TTC39C: variants seen among roughly 807,000 people sequenced by gnomAD.
The protein encoded by TTC39C is tetratricopeptide repeat domain 39C, also known as tetratricopeptide repeat protein 39C.
A neutral mutation model predicts 76.3 loss-of-function variants in TTC39C; 33 were observed. That is an observed-to-expected ratio of 0.43 (90% CI 0.33 to 0.58). The LOEUF is 0.58. TTC39C is among the 20% of genes least tolerant of loss of function. The pLI, the probability that TTC39C is intolerant of heterozygous loss-of-function variation, is 0.04. For synonymous variants in TTC39C, 254 were observed against 260.6 expected (o/e 0.97, Z 0.24); for missense variants, 595 against 701.4 (o/e 0.85, Z 1.71).
At chr18:24,005,308 C>G (rs2083343282) in intron 1 of TTC39C, among the ~76,000 whole-genome samples, 1 of 152,092 alleles carries the variant, frequency 6.6e-6, no homozygotes, top group South Asian at 2.1e-4. Context: ...AAGTCTTAAC[C>G]CAGCACCCAG....
intron 1 of TTC39C, among the ~76,000 whole-genome samples, chr18:24,018,510 C>G (rs1209096561): frequency 6.6e-6 from 1 of 152,074 alleles, no homozygotes; most frequent in Non-Finnish European, 1.5e-5. Context: ...CTAGATATTT[C>G]GGTGCTGCAA....
chr18:24,107,945 G>A (rs914401732), intron 6 of TTC39C, among the ~76,000 whole-genome samples: 1 of 151,934 alleles, frequency 6.6e-6, no homozygotes, highest in African/African-American at 2.4e-5. Flanking sequence ...TGTTTTTGTA[G>A]AGATGGGGTT....
At chr18:24,003,440 T>C (rs1336388420) in intron 1 of TTC39C, among the ~76,000 whole-genome samples, 1 of 152,246 alleles carries the variant, frequency 6.6e-6, no homozygotes, top group Admixed American at 6.5e-5. Context: ...TATTCAATTA[T>C]GTCTTCCACA....
chr18:24,111,916 TATATATA>T (rs1568441628), intron 6 of TTC39C, among the ~76,000 whole-genome samples: 1 of 108,228 alleles, frequency 9.2e-6, no homozygotes. Flanking sequence ...AATATATATA[TATATATA>T]TTTTTTTTGG....
At chr18:24,049,459 C>T (rs1244804384) in intron 1 of TTC39C, among the ~76,000 whole-genome samples, 1 of 152,172 alleles carries the variant, frequency 6.6e-6, no homozygotes, top group Non-Finnish European at 1.5e-5. Flanking sequence ...AGGCTGTTCC[C>T]TCACTCACTC....
chr18:24,092,436 A>G (rs1407246296), intron 6 of TTC39C, among the ~76,000 whole-genome samples: 1 of 152,020 alleles, frequency 6.6e-6, no homozygotes, highest in African/African-American at 2.4e-5. Context: ...TAAAAACACC[A>G]CTCCATATTA....
intron 1 of TTC39C, among the ~76,000 whole-genome samples, chr18:24,024,678 A>T (rs1385105408): frequency 6.6e-6 from 1 of 152,184 alleles, no homozygotes; most frequent in Admixed American, 6.5e-5. Context: ...CTCAGAAAAC[A>T]TATCTCCCAT....
chr18:24,102,337 G>A (rs759381609), intron 6 of TTC39C, among the ~76,000 whole-genome samples: 7 of 152,192 alleles, frequency 4.6e-5, no homozygotes, highest in East Asian at 1.9e-4. Context: ...ATTCATTCAC[G>A]TGGAGATGCT....
intron 4 of TTC39C, among the ~76,000 whole-genome samples, chr18:24,070,414 G>A (rs1325383635): frequency 6.6e-6 from 1 of 152,120 alleles, no homozygotes; most frequent in Non-Finnish European, 1.5e-5. Flanking sequence ...TCCCGCATTT[G>A]GAGCGCACTG....
chr18:24,064,027 T>G, intron 1 of TTC39C, 113 bp from the exon 2 acceptor site: 1 of 1,426,980 alleles, frequency 7.0e-7, no homozygotes, highest in South Asian at 1.4e-5. Context: ...CTTAACTTCT[T>G]TTATTCAATT....
Position 24,098,725 on chromosome 18 carries a change from C to T in TTC39C, c.984+15644C>T, listed in dbSNP as rs577452894. Reference sequence around the variant, plus strand: ...TTGGTTCATTGCAACCTCTGCCTCCCGGTTCAAGCAATTCTCCTGCCTCAG... The same window carrying T: ...TTGGTTCATTGCAACCTCTGCCTCCTGGTTCAAGCAATTCTCCTGCCTCAG... On this transcript the variant is annotated intron_variant, in intron 6 of 13. Transcript: ENST00000317571. Among the ~76,000 whole-genome samples, 541 of 151,366 alleles carry T rather than the reference C, an allele frequency of 3.6e-3. 1 individual carries two copies. Among genetic ancestry groups the T allele is most frequent in the African/African-American group, 0.012 (492 of 41,182 alleles).
At chr18:24,045,734 A>G (rs114990785) in intron 1 of TTC39C, among the ~76,000 whole-genome samples, 2,662 of 151,684 alleles carry the variant, frequency 0.018, 81 homozygotes, top group African/African-American at 0.061. Context: ...TGCACATTTT[A>G]AAACTATGCC....
At chr18:24,120,613 G>T (rs1228511160) in intron 8 of TTC39C, among the ~76,000 whole-genome samples, 1 of 152,146 alleles carries the variant, frequency 6.6e-6, no homozygotes, top group African/African-American at 2.4e-5. Flanking sequence ...ATAACGCTCA[G>T]ATTGTTTTGC....
At chr18:24,064,528 G>A (rs2084142227) in intron 2 of TTC39C, among the ~76,000 whole-genome samples, 1 of 152,170 alleles carries the variant, frequency 6.6e-6, no homozygotes, top group Non-Finnish European at 1.5e-5. Context: ...AAATTATTGA[G>A]TAAATGTGGA....
intron 1 of TTC39C, among the ~76,000 whole-genome samples, chr18:24,026,176 C>CA (rs2145666506): frequency 6.6e-6 from 1 of 152,328 alleles, no homozygotes; most frequent in South Asian, 2.1e-4. Flanking sequence ...TGTGTCTCTC[C>CA]AGCCACCAGG....
At chr18:24,038,485 A>G (rs79026603) in intron 1 of TTC39C, among the ~76,000 whole-genome samples, 5 of 152,004 alleles carry the variant, frequency 3.3e-5, no homozygotes, top group African/African-American at 9.7e-5. Context: ...GACTCACCAC[A>G]TTGTCCTGGC....
intron 1 of TTC39C, among the ~76,000 whole-genome samples, chr18:24,015,723 A>G (rs568435415): frequency 1.5e-4 from 23 of 152,342 alleles, no homozygotes; most frequent in African/African-American, 5.3e-4. Context: ...GGAAGGAAGA[A>G]AATGGAGGGA....
chr18:24,094,342 G>A (rs912417770), intron 6 of TTC39C, among the ~76,000 whole-genome samples: 1 of 152,208 alleles, frequency 6.6e-6, no homozygotes, highest in Non-Finnish European at 1.5e-5. Context: ...ACCTCTCAAA[G>A]ACATCTAGGA....
chr18:24,028,177 T>C (rs2083621249), intron 1 of TTC39C, among the ~76,000 whole-genome samples: 4 of 152,126 alleles, frequency 2.6e-5, no homozygotes, highest in Admixed American at 2.6e-4. Context: ...GGCCGTGGTA[T>C]AGGGGAAATG....
Sources: allele counts gnomAD v4.1 joint callset (sites outside exome capture counted in the v4.1 genomes callset), GRCh38; gene constraint gnomAD v4.1.1; transcripts MANE v1.5; gene names NCBI Gene and HGNC (gene_info 2026-07-23, HGNC 2026-07-21).